CRACD: variants seen among roughly 807,000 people sequenced by gnomAD.
The protein encoded by CRACD is capping protein inhibiting regulator of actin dynamics, also known as capping protein-inhibiting regulator of actin dynamics.
In CRACD, 56 loss-of-function variants were observed where a neutral mutation model predicts 106.8. The ratio of observed to expected loss-of-function variants is 0.52; its 90% CI spans 0.42 to 0.66. CRACD has a LOEUF of 0.66. CRACD is among the 30% of genes least tolerant of loss of function. The pLI is 0.00. For missense variants in CRACD, 1,730 were observed against 1,623.2 expected (o/e 1.07, Z -1.13); for synonymous variants, 754 against 670.8 (o/e 1.12, Z -1.92).
At chr4:56,239,181 T>C (rs1297244537) in intron 2 of CRACD, among the ~76,000 whole-genome samples, 1 of 151,968 alleles carries the variant, frequency 6.6e-6, no homozygotes, top group Non-Finnish European at 1.5e-5. Context: ...TAATCTCAGC[T>C]ACTCAGGAGG....
intron 1 of CRACD, among the ~76,000 whole-genome samples, chr4:56,106,536 A>G (rs1733954380): frequency 6.6e-6 from 1 of 152,250 alleles, no homozygotes; most frequent in Admixed American, 6.5e-5. Context: ...TTTATTCTGC[A>G]ATCTGCCATC....
intron 1 of CRACD, among the ~76,000 whole-genome samples, chr4:56,077,148 G>C (rs1467747798): frequency 6.6e-6 from 1 of 152,192 alleles, no homozygotes; most frequent in Non-Finnish European, 1.5e-5. Flanking sequence ...AAGAAAAGAG[G>C]TTTAATTGAC....
chr4:56,136,144 A>G (rs1358672088), intron 1 of CRACD, among the ~76,000 whole-genome samples: 1 of 151,892 alleles, frequency 6.6e-6, no homozygotes, highest in Non-Finnish European at 1.5e-5. Flanking sequence ...ATATGGCTAT[A>G]CCATTTTGTT....
chr4:56,076,405 A>AT (rs879709907), intron 1 of CRACD, among the ~76,000 whole-genome samples: 1 of 152,028 alleles, frequency 6.6e-6, no homozygotes, highest in Non-Finnish European at 1.5e-5. Context: ...TAACTACCTT[A>AT]TTTTTTTTAC....
intron 2 of CRACD, among the ~76,000 whole-genome samples, chr4:56,238,117 A>G (rs1740102951): frequency 2.0e-5 from 3 of 152,172 alleles, no homozygotes; most frequent in Admixed American, 2.0e-4. Context: ...CAACAACCAC[A>G]TTTAATTTAC....
At position 56,327,875 on chromosome 4, in the gene CRACD, T is replaced by C. The variant is rs1431047145; in HGVS notation, c.*71T>C. On this transcript the variant is annotated 3_prime_UTR_variant, in exon 11 of 11. Transcript: ENST00000682029. ...TTGCCCTTTTTATTTATTTATTTTT[T>C]ATATGGGGTAAAGAAATCAAGCTAG... 7.5e-7 allele frequency: 1 copy of C among 1,341,768 alleles called. No individual in the cohort carries two copies. Among genetic ancestry groups the C allele is most frequent in the Non-Finnish European group, 1.0e-6 (1 of 967,000 alleles). The allele number at this position is 1,341,768 out of a possible 1,614,324, so 83.1% of individuals were successfully genotyped here.
In CRACD at chr4:56,275,133, G is replaced by A. The variant is rs577057748; in HGVS notation, c.-17+2641G>A. ...AACAGACACTGGAATCTACTTGAGT[G>A]TGGAGGGTGAGTGGGGGGAAAGGAG... On this transcript the variant is annotated intron_variant, in intron 3 of 10. Coordinates refer to ENST00000682029, the MANE Select transcript of CRACD (RefSeq NM_001393381.1). Among the ~76,000 whole-genome samples, 14 of 152,316 alleles carry A rather than the reference G, an allele frequency of 9.2e-5. 1 individual carries two copies. In the South Asian group the frequency reaches 2.3e-3, roughly 25 times the overall value.
At chr4:56,215,853 T>G (rs193238802) in intron 2 of CRACD, among the ~76,000 whole-genome samples, 1 of 152,332 alleles carries the variant, frequency 6.6e-6, no homozygotes, top group Non-Finnish European at 1.5e-5. Context: ...TCTTTTATCT[T>G]GTGTCATTTT....
At position 56,315,279 on chromosome 4, in the gene CRACD, C is replaced by G; in HGVS notation, c.1777C>G (p.His593Asp). ...CCTACCGTCGTCCCTGAGCGTTCCC[C>G]ACACCGCCATTCTGGTCACGGGCGC... Reference protein sequence around the residue: ...HALPSSLSVPHTAILVTGAQL... With the variant: ...HALPSSLSVPDTAILVTGAQL... The change falls in exon 8 of 11, where the codon CAC (histidine) becomes GAC (aspartate). Residue 593 changes from histidine (H) to aspartate (D), a missense_variant. His to Asp is a moderately conservative substitution (Grantham distance 81). This residue lies in a region of CRACD where 1,620 missense variants were observed against 1,481.6 expected (regional missense o/e 1.09). Transcript: ENST00000682029. This position sits in a 1 kb window ranked among gnomAD's most constrained non-coding sequence, Gnocchi z 4.1. 1 of 1,612,920 alleles carries G rather than the reference C, an allele frequency of 6.2e-7. No homozygotes were observed. The highest frequency in any genetic ancestry group is 8.5e-7 in the Non-Finnish European group (1 of 1,179,656).
At chr4:56,156,348 C>T (rs980329232) in intron 1 of CRACD, among the ~76,000 whole-genome samples, 1 of 152,192 alleles carries the variant, frequency 6.6e-6, no homozygotes, top group African/African-American at 2.4e-5. Context: ...TGGGCGCCTC[C>T]AGCTGAGTTG....
intron 4 of CRACD, among the ~76,000 whole-genome samples, chr4:56,298,660 C>T (rs1744191494): frequency 6.6e-6 from 1 of 152,088 alleles, no homozygotes; most frequent in African/African-American, 2.4e-5. Flanking sequence ...GGGCCAGGCG[C>T]GGTGGCTCAG....
chr4:56,276,779 G>A (rs1248177932), intron 3 of CRACD, among the ~76,000 whole-genome samples: 2 of 152,198 alleles, frequency 1.3e-5, no homozygotes, highest in Non-Finnish European at 2.9e-5. Flanking sequence ...TCAGATGTCT[G>A]CCTGCCTCCA....
At chr4:56,189,505 G>A (rs1466407398) in intron 2 of CRACD, among the ~76,000 whole-genome samples, 15 of 143,404 alleles carry the variant, frequency 1.0e-4, no homozygotes, top group East Asian at 6.6e-4. Context: ...CCATTAACTC[G>A]TCATTTAGCA....
At chr4:56,293,650 C>T (rs1183941052) in intron 3 of CRACD, among the ~76,000 whole-genome samples, 1 of 152,172 alleles carries the variant, frequency 6.6e-6, no homozygotes, top group Non-Finnish European at 1.5e-5. Context: ...AGGTGTTTCA[C>T]ATGGCAGGAG....
chr4:56,256,247 A>G (rs1268901003), intron 2 of CRACD, among the ~76,000 whole-genome samples: 3 of 152,186 alleles, frequency 2.0e-5, no homozygotes, highest in African/African-American at 7.2e-5. Context: ...ATAGTAAATA[A>G]GTCTCAAGAG....
chr4:56,171,882 C>T (rs1367632641), intron 1 of CRACD, among the ~76,000 whole-genome samples: 1 of 152,106 alleles, frequency 6.6e-6, no homozygotes, highest in African/African-American at 2.4e-5. Context: ...TAGCTCCAAA[C>T]ACACAGCTTT....
At chr4:56,158,454 C>T (rs1735835877) in intron 1 of CRACD, among the ~76,000 whole-genome samples, 1 of 152,126 alleles carries the variant, frequency 6.6e-6, no homozygotes, top group Admixed American at 6.5e-5. Flanking sequence ...TTGCCTTCTT[C>T]CATCAAGGTA....
intron 2 of CRACD, among the ~76,000 whole-genome samples, chr4:56,236,212 G>A (rs924742465): frequency 2.0e-5 from 3 of 152,146 alleles, no homozygotes; most frequent in Admixed American, 6.5e-5. Context: ...GGAAGAGGAT[G>A]TGAAGGCCAC....
intron 2 of CRACD, among the ~76,000 whole-genome samples, chr4:56,247,334 CGT>C (rs1740741305): frequency 6.6e-6 from 1 of 152,080 alleles, no homozygotes; most frequent in South Asian, 2.1e-4. Context: ...CTTTTCTTGC[CGT>C]GGCTTTATTT....
Sources: gnomAD v4.1 joint callset for allele counts (sites outside exome capture counted in the v4.1 genomes callset) on GRCh38, gnomAD v4.1.1 for gene constraint, gnomAD v4.1.1 regional missense constraint, Gnocchi (gnomAD v3.1) non-coding constraint, MANE v1.5 for transcripts, NCBI Gene and HGNC (gene_info 2026-07-23, HGNC 2026-07-21) for gene names.